Variants in MUC4 observed in about 807,000 individuals in gnomAD.
The protein encoded by MUC4 is mucin-4.
MUC4 carries 202 observed loss-of-function variants against 257.9 expected under a neutral mutation model. The ratio of observed to expected loss-of-function variants is 0.78; its 90% CI spans 0.70 to 0.88. The LOEUF (loss-of-function observed/expected upper bound fraction) is 0.88, where lower values mean the gene tolerates loss of function less well. Among genes scored for constraint, MUC4 ranks in the 40% least tolerant of loss-of-function variants. The probability of loss-of-function intolerance (pLI) is 0.00; values close to 1 mark genes in which losing one functional copy is unlikely to be tolerated. For missense variants in MUC4, 5,976 were observed against 6,513.7 expected (o/e 0.92, Z 2.84); for synonymous variants, 2,351 against 2,757.1 (o/e 0.85, Z 4.62).
chr3:195,767,504 C>CCACCATCGCCACCACCAT (rs1720918402), intron 7 of MUC4, among the ~76,000 whole-genome samples: 4 of 137,512 alleles, frequency 2.9e-5, no homozygotes, highest in Admixed American at 7.2e-5. Context: ...ACCATCACCA[C>CCACCATCGCCACCACCAT]CACCATCACC....
intron 1 of MUC4, among the ~76,000 whole-genome samples, chr3:195,809,110 G>A (rs1427395650): frequency 1.3e-5 from 2 of 152,312 alleles, no homozygotes. Flanking sequence ...CCTGCCTGGG[G>A]CGACCAGTAG....
At chr3:195,754,505 G>T in intron 18 of MUC4, 133 bp from the exon 19 acceptor site, 2 of 1,198,710 alleles carry the variant, frequency 1.7e-6, no homozygotes, top group South Asian at 1.6e-5. Context: ...AGCACCTGCT[G>T]AGCACCTTCT....
Position 195,767,735 on chromosome 3 carries a change from A to C in MUC4, c.13530-984T>G, listed in dbSNP as rs1291264782. 1.6e-3 allele frequency among the ~76,000 whole-genome samples: 26 copies of C among 16,574 alleles called. 4 individuals carry two copies. The highest frequency in any genetic ancestry group is 2.0e-3 in the Non-Finnish European group (18 of 9,140). 10.9% of individuals were successfully genotyped at this position (16,574 alleles called of 152,430 possible). On this transcript the variant is annotated intron_variant, in intron 7 of 24. Transcript: ENST00000463781. ...ATCGGCCACCACCACCATCACCACC[A>C]CCATCACCATCGCCACCACCACCAT...
Position 195,760,923 on chromosome 3 carries a change from C to A in MUC4, c.14809G>T (p.Glu4937Ter). The A allele has an allele frequency of 6.2e-7, 1 of 1,614,196 alleles. No individual in the cohort carries two copies. Among genetic ancestry groups the A allele is most frequent in the Non-Finnish European group, 8.5e-7 (1 of 1,180,036 alleles). The change falls in exon 16 of 25, where the codon GAA (glutamate) becomes TAA (stop). Residue 4937 changes from glutamate (E) to a stop codon, truncating the protein, a stop_gained. Transcript: ENST00000463781. LOFTEE classifies it high-confidence loss of function. ...RNASIGLHTR[E>*]VSKNYEQANA... is the part of the protein sequence containing the mutation. ...GCCTGCTCGTAGTTTTTACTGACTT[C>A]CCTCGTGTGAAGTCCGATGCTTGCG...
chr3:195,754,960 A>G (rs73079400), intron 18 of MUC4, among the ~76,000 whole-genome samples: 9,028 of 151,682 alleles, frequency 0.06, 930 homozygotes, highest in African/African-American at 0.21. Flanking sequence ...GTGTGTATCC[A>G]TGTGTGTATG....
rs1263377397 is a variant in MUC4, at chr3:195,781,867, G to A, written c.9713C>T (p.Pro3238Leu). ...GGCATGACCGGTGGATGCTGAGGAA[G>A]GGCTAGTGACAGGAAGAGGCGTGGT... The part of the protein sequence containing the change: ...GDTTPLPVTS[P>L]SSASTGHATS... Residue 3238 changes from proline (P) to leucine (L), a missense_variant, in exon 2 of 25, where the codon CCT becomes CTT. By Grantham distance (98) the Pro-to-Leu change is moderately conservative. Transcript: ENST00000463781. 11 of 932,608 alleles carry A rather than the reference G, an allele frequency of 1.2e-5. No homozygotes were observed. In the African/African-American group the frequency reaches 1.8e-4, roughly 15 times the overall value. The allele number at this position is 932,608 out of a possible 1,614,324, so 57.8% of individuals were successfully genotyped here.
chr3:195,762,047 G>C (rs1270438184), intron 14 of MUC4, 40 bp downstream of exon 14: 2 of 1,550,208 alleles, frequency 1.3e-6, no homozygotes, highest in African/African-American at 2.7e-5. Flanking sequence ...GCTCCGGCTG[G>C]CTCCGCGGAG....
chr3:195,753,196 G>A lies in MUC4; in HGVS notation c.15363C>T (p.Ser5121=), dbSNP rs1180914439. ...GATTGTAGCAGTAATTCACAGGGCA[G>A]GACTGGTTCTGACACAGGAAAGAGC... ...LGSSFLCQNQ[S]CPVNYCYNQG... Residue 5121 remains serine, a synonymous_variant, in exon 20 of 25, where the codon TCC becomes TCT. Coordinates refer to ENST00000463781, the MANE Select transcript of MUC4 (RefSeq NM_018406.7). 2 of 1,614,028 alleles carry A rather than the reference G, an allele frequency of 1.2e-6. No homozygotes were observed. The highest frequency in any genetic ancestry group is 1.7e-6 in the Non-Finnish European group (2 of 1,179,924).
At position 195,751,031 on chromosome 3, in the gene MUC4, C is replaced by G; in HGVS notation, c.15729G>C (p.Pro5243=). The change falls in exon 23 of 25, where the codon CCG becomes CCC. Residue 5243 remains proline (P), a synonymous_variant. Coordinates refer to ENST00000463781, the MANE Select transcript of MUC4 (RefSeq NM_018406.7). ...GCTGGTTGTTCAGGAAGTCAATGAC[C>G]GGGCCCCGAGGGCGGTACTGGAACT... ...ISEFQYRPRG[P]VIDFLNNQLL... is the part of the protein sequence containing the mutation. 6.2e-7 allele frequency: 1 copy of G among 1,613,622 alleles called. No homozygotes were observed. The highest frequency in any genetic ancestry group is 8.5e-7 in the Non-Finnish European group (1 of 1,179,886).
At chr3:195,776,534 C>T (rs1724790953) in intron 3 of MUC4, among the ~76,000 whole-genome samples, 2 of 28,320 alleles carry the variant, frequency 7.1e-5, no homozygotes, top group Non-Finnish European at 1.2e-4. Context: ...ACCTTCCGCA[C>T]CCATACCTTC....
In MUC4 at chr3:195,751,155, G is replaced by A. The variant is rs773526041; in HGVS notation, c.15648-43C>T. ...GGTGAGGGGGGGTGGGGGGCTGGGG[G>A]TGGGGGATGAGGAAGAGATCTGGGG... is the stretch of plus-strand genomic sequence containing the variant. On this transcript the variant is annotated intron_variant, in intron 22 of 24. Transcript: ENST00000463781. 9 of 1,498,972 alleles carry A rather than the reference G, an allele frequency of 6.0e-6. No homozygotes were observed. The African/African-American group carries it at 1.1e-4, about 19-fold the overall frequency. The allele number at this position is 1,498,972 out of a possible 1,614,324, so 92.9% of individuals were successfully genotyped here.
At chr3:195,763,009 G>A (rs1335722789) in intron 12 of MUC4, 64 bp from the exon 13 acceptor site, 1 of 1,319,184 alleles carries the variant, frequency 7.6e-7, no homozygotes, top group Non-Finnish European at 1.1e-6. Flanking sequence ...CAGGAAAGCA[G>A]CTGGGAGAGC....
rs759799114 is a variant in MUC4 at position 195,790,057 on chromosome 3, G to GT, written c.1522dup (p.Thr508AsnfsTer8). ...AAGCCTAGTGGCAGCACCTGTTGATGTTGAGGGCAGTTCTGTTTGTGACCA... is the reference window on the plus strand; with the variant it reads ...AAGCCTAGTGGCAGCACCTGTTGATGTTTGAGGGCAGTTCTGTTTGTGACCA... On this transcript the variant is annotated frameshift_variant, in exon 2 of 25. Coordinates refer to ENST00000463781, the MANE Select transcript of MUC4 (RefSeq NM_018406.7). LOFTEE classifies it high-confidence loss of function. 5 of 1,614,048 alleles carry GT rather than the reference G, an allele frequency of 3.1e-6. No individual in the cohort carries two copies. In the South Asian group the frequency reaches 5.5e-5, roughly 18 times the overall value.
rs1344371738 is a variant in MUC4 at position 195,788,809 on chromosome 3, A to T, written c.2771T>A (p.Leu924Gln). The change falls in exon 2 of 25, where the codon CTG (leucine) becomes CAG (glutamine). Residue 924 changes from leucine (L) to glutamine (Q), a missense_variant. Leu to Gln is a moderately radical substitution (Grantham distance 113). This residue lies in a region of MUC4 where 1,583 missense variants were observed against 1,257.4 expected (regional missense o/e 1.26). Coordinates refer to ENST00000463781, the MANE Select transcript of MUC4 (RefSeq NM_018406.7). ...RTSRGSDTIS[L>Q]ASQATDTFST... ...GAAGGTGTCGGTTGCCTGGGACGCCAGGCTGATAGTGTCAGACCCTCTGCT... is the reference window on the plus strand; with the variant it reads ...GAAGGTGTCGGTTGCCTGGGACGCCTGGCTGATAGTGTCAGACCCTCTGCT... The T allele has an allele frequency of 3.1e-6, 5 of 1,613,910 alleles. No homozygotes were observed. The East Asian group carries it at 1.1e-4, about 36-fold the overall frequency.
intron 7 of MUC4, among the ~76,000 whole-genome samples, chr3:195,768,544 T>C (rs980330237): frequency 3.3e-5 from 5 of 152,236 alleles, no homozygotes; most frequent in Admixed American, 6.5e-5. Flanking sequence ...CAAATCTCCA[T>C]GTTGCCACTT....
chr3:195,789,550 G>C lies in MUC4; in HGVS notation c.2030C>G (p.Ser677Trp), dbSNP rs750548622. The change falls in exon 2 of 25, where the codon TCG (serine) becomes TGG (tryptophan). Residue 677 changes from serine (S) to tryptophan (W), a missense_variant. Around this residue, in one of 44 missense-constraint regions of MUC4, gnomAD observed 1,583 missense variants for 1,257.4 expected, o/e 1.26. Transcript: ENST00000463781. ...GTCCTGAGGAACAATTTCTGAGGGCGAGTGCCCACTGGCTGTGAAGGAAGA... is the reference window on the plus strand; with the variant it reads ...GTCCTGAGGAACAATTTCTGAGGGCCAGTGCCCACTGGCTGTGAAGGAAGA... ...PGSSFTASGHSPSEIVPQDAP... is the reference protein window; with the variant it reads ...PGSSFTASGHWPSEIVPQDAP... 6.2e-7 allele frequency: 1 copy of C among 1,613,786 alleles called. No homozygotes were observed. Among genetic ancestry groups the C allele is most frequent in the African/African-American group, 1.3e-5 (1 of 74,912 alleles).
chr3:195,770,392 A>G lies in MUC4; in HGVS notation c.13243-21T>C, dbSNP rs745637392. On this transcript the variant is annotated intron_variant, in intron 5 of 24. Transcript: ENST00000463781. ...TATTCCTAGGAAAGGAGGGCAGATGAAAACAAGCCAACGAGGGTCCCACTC... is the reference window on the plus strand; with the variant it reads ...TATTCCTAGGAAAGGAGGGCAGATGGAAACAAGCCAACGAGGGTCCCACTC... The G allele has an allele frequency of 2.6e-5, 42 of 1,612,714 alleles. 1 individual carries two copies. The South Asian group carries it at 3.7e-4, about 14-fold the overall frequency.
chr3:195,767,452 ACCAC>A (rs1332767750), intron 7 of MUC4, among the ~76,000 whole-genome samples: 3 of 148,368 alleles, frequency 2.0e-5, no homozygotes, highest in African/African-American at 7.5e-5. Context: ...CACCACCACC[ACCAC>A]CAACACTACC....
intron 1 of MUC4, among the ~76,000 whole-genome samples, chr3:195,805,390 T>C (rs549771797): frequency 6.6e-6 from 1 of 151,702 alleles, no homozygotes; most frequent in South Asian, 2.1e-4. Flanking sequence ...CCAGCTCAAC[T>C]CTCTTTTCCC....
Sources: allele counts gnomAD v4.1 joint callset (sites outside exome capture counted in the v4.1 genomes callset), GRCh38; gene constraint gnomAD v4.1.1; regional missense constraint gnomAD v4.1.1; transcripts MANE v1.5; gene names NCBI Gene and HGNC (gene_info 2026-07-23, HGNC 2026-07-21).